CEP164: variants seen among roughly 807,000 people sequenced by gnomAD.
The protein encoded by CEP164 is centrosomal protein 164.
In CEP164, 162 loss-of-function variants were observed where a neutral mutation model predicts 182.7. That is an observed-to-expected ratio of 0.89 (90% CI 0.78 to 1.01). The LOEUF (loss-of-function observed/expected upper bound fraction) is 1.01, where lower values mean the gene tolerates loss of function less well. CEP164 is among the 50% of genes least tolerant of loss of function. CEP164 has a pLI of 0.00. For synonymous variants in CEP164, 661 were observed against 690.0 expected, an observed-to-expected ratio of 0.96 and a Z score of 0.66; for missense variants, 1,735 against 1,790.4, an observed-to-expected ratio of 0.97 and a Z score of 0.56.
intron 17 of CEP164, 43 bp downstream of exon 17, chr11:117,391,258 G>A (rs1290206978): frequency 2.6e-6 from 4 of 1,548,762 alleles, no homozygotes; most frequent in Non-Finnish European, 3.5e-6. Context: ...ACCTGTGTCT[G>A]GGCTGCCTGG....
At chr11:117,375,477 C>A (rs938764374) in intron 10 of CEP164, among the ~76,000 whole-genome samples, 1 of 152,254 alleles carries the variant, frequency 6.6e-6, no homozygotes, top group Non-Finnish European at 1.5e-5. Flanking sequence ...TACCCACATA[C>A]TCACCATCTA....
chr11:117,392,566 T>C lies in CEP164; in HGVS notation c.2432T>C (p.Leu811Pro), dbSNP rs1190275908. The change falls in exon 19 of 33, where the codon CTT (leucine) becomes CCT (proline). Residue 811 changes from leucine (L) to proline (P), a missense_variant. Transcript: ENST00000278935. The stretch of plus-strand genomic sequence containing the variant: ...GAGGAGGCCCAGCTGCAGAAGTGCC[T>C]TGGGCAAGTGGAGCACAGAGTTCAC... Reference protein sequence around the residue: ...QKEEAQLQKCLGQVEHRVHQK... With the variant: ...QKEEAQLQKCPGQVEHRVHQK... 1 of 1,614,172 alleles carries C rather than the reference T, an allele frequency of 6.2e-7. No homozygotes were observed.
At chr11:117,395,263 A>G (rs1401248268) in intron 23 of CEP164, 72 bp downstream of exon 23, 5 of 1,550,468 alleles carry the variant, frequency 3.2e-6, no homozygotes, top group Non-Finnish European at 4.4e-6. Flanking sequence ...TGTTCCCCAC[A>G]TTTTGTTCAT....
intron 30 of CEP164, 172 bp downstream of exon 30, chr11:117,410,137 T>C (rs1463571663): frequency 2.7e-6 from 2 of 739,808 alleles, no homozygotes; most frequent in Admixed American, 2.0e-5. Flanking sequence ...TGACTCTACC[T>C]GTGGGTCCCT....
chr11:117,408,814 A>C, intron 28 of CEP164, 76 bp from the exon 29 acceptor site: 2 of 1,579,844 alleles, frequency 1.3e-6, no homozygotes, highest in Admixed American at 1.7e-5. Flanking sequence ...TGTCCCAGCC[A>C]CTTCCTAGGA....
Position 117,371,301 on chromosome 11 carries a change from C to T in CEP164, c.987C>T (p.Thr329=). The T allele has an allele frequency of 1.2e-6, 2 of 1,614,146 alleles. No individual in the cohort carries two copies. The highest frequency in any genetic ancestry group is 1.7e-6 in the Non-Finnish European group (2 of 1,180,018). ...SEPKICRNLV[T]PKADPTGSEP... ...CTAAGATTTGCAGGAATCTGGTGACCCCCAAGGCAGACCCTACAGGCAGTG... is the reference window on the plus strand; with the variant it reads ...CTAAGATTTGCAGGAATCTGGTGACTCCCAAGGCAGACCCTACAGGCAGTG... Residue 329 remains threonine, a synonymous_variant, in exon 9 of 33, where the codon ACC becomes ACT. Transcript: ENST00000278935.
At chr11:117,323,958 C>A, upstream of CEP164, 1 of 291,694 alleles carries the variant, frequency 3.4e-6, no homozygotes, top group Admixed American at 3.6e-5. Context: ...TTTTTTTTCT[C>A]TTGTTTTGGC....
Position 117,397,148 on chromosome 11 carries a change from T to G in CEP164, c.3336T>G (p.Ser1112Arg). ...CTGCTGAGGGGGTAGCCCTCCGTAG[T>G]GCCAAGGAGTTCCTTGTGCAGCAGA... ...LLSAEGVALR[S>R]AKEFLVQQTR... is the part of the protein sequence containing the mutation. The change falls in exon 27 of 33, where the codon AGT becomes AGG. Residue 1112 changes from serine (S) to arginine (R), a missense_variant. Ser to Arg is a moderately radical substitution (Grantham distance 110, BLOSUM62 -1). Coordinates refer to ENST00000278935, the MANE Select transcript of CEP164 (RefSeq NM_014956.5). 6.2e-7 allele frequency: 1 copy of G among 1,614,234 alleles called. No individual in the cohort carries two copies. The highest frequency in any genetic ancestry group is 8.5e-7 in the Non-Finnish European group (1 of 1,180,030).
rs1239939418 is a variant in CEP164, at chr11:117,412,570, GTTC to G, written c.*405_*407del. 1 of 173,440 alleles carries G rather than the reference GTTC, an allele frequency of 5.8e-6. No homozygotes were observed. Among genetic ancestry groups the G allele is most frequent in the African/African-American group, 2.4e-5 (1 of 42,020 alleles). The allele number at this position is 173,440 out of a possible 1,614,324, so 10.7% of individuals were successfully genotyped here. A position where few individuals can be genotyped will look rare whatever the true frequency, so the allele number is the denominator to read the frequency against. On this transcript the variant is annotated 3_prime_UTR_variant, in exon 33 of 33. Transcript: ENST00000278935. ...GGCTCCCAAGGAGGTTGTGTGTATG[GTTC>G]TTAATTCATCAGGACAAAGACCCCC...
chr11:117,345,870 A>G (rs1220411826), intron 4 of CEP164, among the ~76,000 whole-genome samples: 1 of 152,144 alleles, frequency 6.6e-6, no homozygotes, highest in Non-Finnish European at 1.5e-5. Flanking sequence ...TATTTTTAGT[A>G]GAGACGGGGT....
intron 14 of CEP164, chr11:117,386,858 G>A (rs2044020319): frequency 3.8e-6 from 1 of 262,384 alleles, no homozygotes; most frequent in South Asian, 5.9e-5. Flanking sequence ...TTCTAGGAAG[G>A]AATCCATTAG....
chr11:117,392,583 A>G lies in CEP164; in HGVS notation c.2449A>G (p.Arg817Gly), dbSNP rs2044806192. The G allele has an allele frequency of 6.2e-7, 1 of 1,614,196 alleles. No homozygotes were observed. The highest frequency in any genetic ancestry group is 1.1e-5 in the South Asian group (1 of 91,092). The change falls in exon 19 of 33, where the codon AGA (arginine) becomes GGA (glycine). Residue 817 changes from arginine (R) to glycine (G), a missense_variant. Arg to Gly is a moderately radical substitution (Grantham distance 125, BLOSUM62 -2). Coordinates refer to ENST00000278935, the MANE Select transcript of CEP164 (RefSeq NM_014956.5). ...LQKCLGQVEH[R>G]VHQKSYHVAG... Reference sequence around the variant, plus strand: ...GAAGTGCCTTGGGCAAGTGGAGCACAGAGTTCACCAGAAGTCTTATCACGT... The same window carrying G: ...GAAGTGCCTTGGGCAAGTGGAGCACGGAGTTCACCAGAAGTCTTATCACGT...
intron 12 of CEP164, 103 bp from the exon 13 acceptor site, chr11:117,381,598 C>T: frequency 7.5e-7 from 1 of 1,336,824 alleles, no homozygotes; most frequent in Non-Finnish European, 1.0e-6. Context: ...GAGCATAACC[C>T]AGGAGGAGGC....
In CEP164 at chr11:117,412,325, C is replaced by A. The variant is rs894884122; in HGVS notation, c.*157C>A. 1.6e-6 allele frequency: 1 copy of A among 611,534 alleles called. No homozygotes were observed. The highest frequency in any genetic ancestry group is 2.9e-6 in the Non-Finnish European group (1 of 350,616). The allele number at this position is 611,534 out of a possible 1,614,324, so 37.9% of individuals were successfully genotyped here. ...CAGGGGGTTGAGTGGAACAGTAAAG[C>A]CACACATTCTGTGACTATATAACCT... On this transcript the variant is annotated 3_prime_UTR_variant, in exon 33 of 33. Transcript: ENST00000278935.
upstream of CEP164, among the ~76,000 whole-genome samples, chr11:117,327,457 CTCT>C (rs1457507508): frequency 2.0e-5 from 3 of 147,482 alleles, no homozygotes; most frequent in African/African-American, 7.6e-5. Context: ...ACTCGGGGTC[CTCT>C]TTTTTTTTTT....
At chr11:117,328,104 G>A (rs2035595749) in intron 1 of CEP164, 200 bp downstream of exon 1, 2 of 152,286 alleles carry the variant, frequency 1.3e-5, no homozygotes, top group African/African-American at 4.8e-5. Context: ...TGTGGGCGGG[G>A]ACTGAGGGAA....
chr11:117,355,013 G>T (rs754865728), intron 5 of CEP164: 1 of 1,289,760 alleles, frequency 7.8e-7, no homozygotes, highest in South Asian at 1.2e-5. Context: ...TGGGCTTGCT[G>T]ATCTGGACCT....
At chr11:117,381,598 C>A in intron 12 of CEP164, 103 bp from the exon 13 acceptor site, 1 of 1,336,820 alleles carries the variant, frequency 7.5e-7, no homozygotes, top group South Asian at 1.5e-5. Flanking sequence ...GAGCATAACC[C>A]AGGAGGAGGC....
intron 22 of CEP164, 59 bp downstream of exon 22, chr11:117,395,062 G>A: frequency 1.2e-6 from 2 of 1,607,960 alleles, no homozygotes; most frequent in Admixed American, 1.7e-5. Context: ...CAGAGGGCAG[G>A]CTCTGCCCCT....
Sources: allele counts gnomAD v4.1 joint callset (sites outside exome capture counted in the v4.1 genomes callset), GRCh38; gene constraint gnomAD v4.1.1; transcripts MANE v1.5; gene names NCBI Gene and HGNC (gene_info 2026-07-23, HGNC 2026-07-21).